ZNF699: variants seen among roughly 807,000 people sequenced by gnomAD.
ZNF699 encodes the protein zinc finger protein 699.
Under a neutral mutation model 22.5 loss-of-function variants are expected in ZNF699, and 18 were observed. That is an observed-to-expected ratio of 0.80 (90% CI 0.55 to 1.19). The LOEUF (loss-of-function observed/expected upper bound fraction) is 1.19. Ranked by LOEUF, ZNF699 falls within the 50% of genes most tolerant of loss-of-function variation. ZNF699 has a pLI of 0.00. For missense variants in ZNF699, 670 were observed against 763.4 expected, an observed-to-expected ratio of 0.88 and a Z score of 1.44; for synonymous variants, 241 against 262.3, an observed-to-expected ratio of 0.92 and a Z score of 0.78.
At chr19:9,308,568 C>A (rs1418468575) in intron 1 of ZNF699, among the ~76,000 whole-genome samples, 1 of 151,960 alleles carries the variant, frequency 6.6e-6, no homozygotes. Context: ...CTTTGGGAGG[C>A]GGAGAGCCCA....
At chr19:9,298,375 G>C (rs1255934106) in intron 3 of ZNF699, among the ~76,000 whole-genome samples, 1 of 151,470 alleles carries the variant, frequency 6.6e-6, no homozygotes, top group Non-Finnish European at 1.5e-5. Context: ...GAACCCGGGA[G>C]GCGGAGGTTG....
intron 3 of ZNF699, among the ~76,000 whole-genome samples, chr19:9,299,751 C>CA (rs1257255501): frequency 6.6e-6 from 1 of 150,492 alleles, no homozygotes; most frequent in Non-Finnish European, 1.5e-5. Flanking sequence ...AAAATATTTG[C>CA]AAAAAACATA....
rs745460709 is a variant in ZNF699, at chr19:9,297,481, T to C, written c.287-2A>G. On this transcript the variant is annotated splice_acceptor_variant, in intron 4 of 5. Transcript: ENST00000591998. LOFTEE classifies it high-confidence loss of function. The surrounding 1 kb of genome is among the most constrained non-coding windows in gnomAD (Gnocchi z 4.3). ...TAGTTTTAAGTTGAGTCTCAAAACC[T>C]GAAACGAAAAAAAGTGAAAGCTTCC... is the stretch of plus-strand genomic sequence containing the variant. 1.3e-6 allele frequency: 2 copies of C among 1,551,688 alleles called. No homozygotes were observed. The highest frequency in any genetic ancestry group is 1.7e-6 in the Non-Finnish European group (2 of 1,159,610).
In ZNF699 at chr19:9,295,793, C is replaced by T. The variant is rs1304801490; in HGVS notation, c.1611G>A (p.Gly537=). The T allele has an allele frequency of 6.2e-7, 1 of 1,613,478 alleles. No individual in the cohort carries two copies. The highest frequency in any genetic ancestry group is 2.2e-5 in the East Asian group (1 of 44,832). Residue 537 remains glycine, a synonymous_variant, in exon 6 of 6, where the codon GGG becomes GGA. Coordinates refer to ENST00000591998, the MANE Select transcript of ZNF699 (RefSeq NM_198535.3). Reference sequence around the variant, plus strand: ...GGGCTGAGGGATAAATAAAGGCTTTCCCACATTTCTTACATTCATAGGGTT... The same window carrying T: ...GGGCTGAGGGATAAATAAAGGCTTTTCCACATTTCTTACATTCATAGGGTT... ...GEKPYECKKC[G]KAFIYPSALR...
chr19:9,293,128 CA>C lies in ZNF699; in HGVS notation c.*2346del, dbSNP rs544805619. On this transcript the variant is annotated 3_prime_UTR_variant, in exon 6 of 6. Coordinates refer to ENST00000591998, the MANE Select transcript of ZNF699 (RefSeq NM_198535.3). The stretch of plus-strand genomic sequence containing the variant: ...CCAACCTGGGCACAAGAGTCCGTCT[CA>C]AAAAAAAAAAAAAAGAAAAGAAATC... Among the ~76,000 whole-genome samples the C allele has an allele frequency of 2.1e-3, 135 of 62,990 alleles. No individual in the cohort carries two copies. The highest frequency in any genetic ancestry group is 6.5e-3 in the East Asian group (10 of 1,550). 41.3% of individuals were successfully genotyped at this position (62,990 alleles called of 152,430 possible).
chr19:9,296,134 A>C lies in ZNF699; in HGVS notation c.1270T>G (p.Cys424Gly). 6.2e-7 allele frequency: 1 copy of C among 1,613,880 alleles called. No homozygotes were observed. The highest frequency in any genetic ancestry group is 1.3e-5 in the African/African-American group (1 of 74,914). ...TGEKPYECLE[C>G]GKAFYLPTSL... ...GTGGGAAGGTAGAAGGCCTTTCCACATTCCAGACATTCATACGGTTTTTCT... is the reference window on the plus strand; with the variant it reads ...GTGGGAAGGTAGAAGGCCTTTCCACCTTCCAGACATTCATACGGTTTTTCT... Residue 424 changes from cysteine (C) to glycine (G), a missense_variant, in exon 6 of 6, where the codon TGT (cysteine) becomes GGT (glycine). Physicochemically the swap from Cys to Gly is radical, Grantham distance 159. Transcript: ENST00000591998.
rs1458229811 is a variant in ZNF699, at chr19:9,296,808, T to A, written c.596A>T (p.Glu199Val). The change falls in exon 6 of 6, where the codon GAG becomes GTG. Residue 199 changes from glutamate (E) to valine (V), a missense_variant. Coordinates refer to ENST00000591998, the MANE Select transcript of ZNF699 (RefSeq NM_198535.3). The part of the protein sequence containing the change: ...NTEVKSCECH[E>V]CGKAFVDHSS... ...ATGATCCACGAAGGCCTTTCCACAC[T>A]CATGGCATTCACAGGATTTTACTTC... The A allele has an allele frequency of 1.9e-6, 3 of 1,614,096 alleles. No individual in the cohort carries two copies. The highest frequency in any genetic ancestry group is 2.7e-5 in the African/African-American group (2 of 74,942).
rs1297021867 is a variant in ZNF699 at position 9,309,536 on chromosome 19, C to T, written c.-192G>A. 6.6e-6 allele frequency: 1 copy of T among 152,302 alleles called. No homozygotes were observed. The highest frequency in any genetic ancestry group is 2.4e-5 in the African/African-American group (1 of 41,466). The allele number at this position is 152,302 out of a possible 1,614,324, so 9.4% of individuals were successfully genotyped here. On this transcript the variant is annotated 5_prime_UTR_variant, in exon 1 of 6. Transcript: ENST00000591998. ...TCAGAATCACCCCGATTTCTGTACC[C>T]AGACCAGAGTTCCCGATTCAGTGAG...
intron 1 of ZNF699, among the ~76,000 whole-genome samples, chr19:9,308,783 G>T (rs1284168434): frequency 6.6e-6 from 1 of 152,174 alleles, no homozygotes; most frequent in Non-Finnish European, 1.5e-5. Context: ...GGAGGTCCTG[G>T]CAAGTGCAGT....
chr19:9,297,901 A>G lies in ZNF699; in HGVS notation c.265T>C (p.Phe89Leu). 1 of 1,613,654 alleles carries G rather than the reference A, an allele frequency of 6.2e-7. No individual in the cohort carries two copies. The highest frequency in any genetic ancestry group is 2.2e-5 in the East Asian group (1 of 44,804). Residue 89 changes from phenylalanine to leucine, a missense_variant, in exon 4 of 6, where the codon TTT (phenylalanine) becomes CTT (leucine). By Grantham distance (22) the Phe-to-Leu change is conservative. Transcript: ENST00000591998. The surrounding 1 kb of genome is among the most constrained non-coding windows in gnomAD (Gnocchi z 4.3). The stretch of plus-strand genomic sequence containing the variant: ...TTGCCTTCCCGGTGCTCTCCCATAA[A>G]GATGCCCTGGATAAGTTCTCTCTTC... ...TVKRELIQGI[F>L]MGEHREGFET... is the part of the protein sequence containing the mutation.
intron 3 of ZNF699, among the ~76,000 whole-genome samples, chr19:9,301,137 A>AGAG (rs1555724382): frequency 2.8e-5 from 4 of 144,486 alleles, no homozygotes; most frequent in African/African-American, 1.1e-4. Flanking sequence ...ACAAAAAAAA[A>AGAG]AGAGAGAGAG....
chr19:9,301,633 T>A lies in ZNF699; in HGVS notation c.175+745A>T, dbSNP rs117353912. ...CTGTAATAGGTCTTTTCTAACACCA[T>A]CTTACTAGGACATGTAAGAGGCATG... On this transcript the variant is annotated intron_variant, in intron 3 of 5. Coordinates refer to ENST00000591998, the MANE Select transcript of ZNF699 (RefSeq NM_198535.3). Among the ~76,000 whole-genome samples, 933 of 152,302 alleles carry A rather than the reference T, an allele frequency of 6.1e-3. 6 individuals are homozygous for A. Among genetic ancestry groups the A allele is most frequent in the Non-Finnish European group, 9.0e-3 (611 of 68,012 alleles).
rs1411293218 is a variant in ZNF699, at chr19:9,297,585, TTAAC to T, written c.287-110_287-107del. 1 of 811,372 alleles carries T rather than the reference TTAAC, an allele frequency of 1.2e-6. No individual in the cohort carries two copies. The highest frequency in any genetic ancestry group is 1.7e-5 in the African/African-American group (1 of 57,166). 50.3% of individuals were successfully genotyped at this position (811,372 alleles called of 1,614,324 possible). A position where few individuals can be genotyped will look rare whatever the true frequency, so the allele number is the denominator to read the frequency against. On this transcript the variant is annotated intron_variant, in intron 4 of 5. Transcript: ENST00000591998. The surrounding 1 kb of genome is among the most constrained non-coding windows in gnomAD (Gnocchi z 4.3). ...GCACAAGGGTCAAAATGGTAAGCAA[TTAAC>T]TAAGAAATAATTTTATGAAGATTGA...
rs1020210180 is a variant in ZNF699, at chr19:9,294,155, A to T, written c.*1320T>A. The T allele has an allele frequency of 6.6e-6, 1 of 152,238 alleles. No homozygotes were observed. The highest frequency in any genetic ancestry group is 2.4e-5 in the African/African-American group (1 of 41,470). 9.4% of individuals were successfully genotyped at this position (152,238 alleles called of 1,614,324 possible). A position where few individuals can be genotyped will look rare whatever the true frequency, so the allele number is the denominator to read the frequency against. Reference sequence around the variant, plus strand: ...GTAAGAAAGACTGCAACATAAGCAAAATGGCAATGCCAGAGCTTGCTAGAA... The same window carrying T: ...GTAAGAAAGACTGCAACATAAGCAATATGGCAATGCCAGAGCTTGCTAGAA... On this transcript the variant is annotated 3_prime_UTR_variant, in exon 6 of 6. Coordinates refer to ENST00000591998, the MANE Select transcript of ZNF699 (RefSeq NM_198535.3).
At chr19:9,303,479 G>A (rs12150874) in intron 2 of ZNF699, among the ~76,000 whole-genome samples, 45,531 of 152,154 alleles carry the variant, frequency 0.3, 8,287 homozygotes, top group Non-Finnish European at 0.41. Flanking sequence ...GCCAGATGAA[G>A]AGATGGACAG....
In ZNF699 at chr19:9,308,883, C is replaced by A. The variant is rs188398598; in HGVS notation, c.-6+467G>T. Among the ~76,000 whole-genome samples, 431 of 152,272 alleles carry A rather than the reference C, an allele frequency of 2.8e-3. 2 individuals carry two copies. Among genetic ancestry groups the A allele is most frequent in the African/African-American group, 0.01 (417 of 41,552 alleles). Reference sequence around the variant, plus strand: ...ACCAAATTTTCTGTGTGAAATTTAACCAATCTATAGACAAATGATTCAAAT... The same window carrying A: ...ACCAAATTTTCTGTGTGAAATTTAAACAATCTATAGACAAATGATTCAAAT... On this transcript the variant is annotated intron_variant, in intron 1 of 5. Transcript: ENST00000591998.
chr19:9,308,016 TAA>T (rs1357250023), intron 1 of ZNF699, among the ~76,000 whole-genome samples: 1 of 151,052 alleles, frequency 6.6e-6, no homozygotes, highest in African/African-American at 2.4e-5. Context: ...AAGACCAGCA[TAA>T]AAGTTTAGAA....
chr19:9,291,184 A>G lies in ZNF699; in HGVS notation c.*4291T>C, dbSNP rs1359106535. On this transcript the variant is annotated 3_prime_UTR_variant, in exon 6 of 6. Transcript: ENST00000591998. The stretch of plus-strand genomic sequence containing the variant: ...AATGGACAATTATACCATATTCATC[A>G]ACTGGAAAACTCGATATTGTAAAGA... Among the ~76,000 whole-genome samples the G allele has an allele frequency of 2.0e-5, 3 of 152,198 alleles. No individual in the cohort carries two copies. Among genetic ancestry groups the G allele is most frequent in the Non-Finnish European group, 4.4e-5 (3 of 68,022 alleles).
rs755028352 is a variant in ZNF699 at position 9,295,679 on chromosome 19, A to G, written c.1725T>C (p.Thr575=). 11 of 1,613,854 alleles carry G rather than the reference A, an allele frequency of 6.8e-6. No homozygotes were observed. Among genetic ancestry groups the G allele is most frequent in the Admixed American group, 5.0e-5 (3 of 60,002 alleles). ...GKAFRHSSYL[T]VHARMHTGEK... ...CTCCAGTGTGCATTCTTGCATGTAC[A>G]GTAAGGTATGAAGAATGACGAAATG... is the stretch of plus-strand genomic sequence containing the variant. The change falls in exon 6 of 6, where the codon ACT becomes ACC. Residue 575 remains threonine, a synonymous_variant. Transcript: ENST00000591998.
Sources: allele counts gnomAD v4.1 joint callset (sites outside exome capture counted in the v4.1 genomes callset), GRCh38; gene constraint gnomAD v4.1.1; non-coding constraint Gnocchi (gnomAD v3.1); transcripts MANE v1.5; gene names NCBI Gene and HGNC (gene_info 2026-07-23, HGNC 2026-07-21).